Variants in PEAK1 observed in about 807,000 individuals in gnomAD.
PEAK1 encodes the protein pseudopodium enriched atypical kinase 1, also known as inactive tyrosine-protein kinase PEAK1.
A neutral mutation model predicts 124.7 loss-of-function variants in PEAK1; 54 were observed. That is an observed-to-expected ratio of 0.43 (90% CI 0.35 to 0.54). The LOEUF (loss-of-function observed/expected upper bound fraction) is 0.54. Ranked by LOEUF, PEAK1 falls within the 20% of genes least tolerant of loss-of-function variation. PEAK1 has a pLI of 0.01. For synonymous variants in PEAK1, 719 were observed against 760.0 expected (o/e 0.95, Z 0.89); for missense variants, 2,046 against 2,134.5 (o/e 0.96, Z 0.82).
At chr15:77,188,578 T>C (rs1233580789) in intron 6 of PEAK1, among the ~76,000 whole-genome samples, 1 of 152,136 alleles carries the variant, frequency 6.6e-6, no homozygotes, top group Non-Finnish European at 1.5e-5. Context: ...CAGCCAAGAC[T>C]CCATAGTCTT....
chr15:77,214,240 C>G (rs894244438), intron 6 of PEAK1, among the ~76,000 whole-genome samples: 1 of 152,012 alleles, frequency 6.6e-6, no homozygotes, highest in Non-Finnish European at 1.5e-5. Flanking sequence ...CATGTGTTTT[C>G]ATTTCAGTTG....
chr15:77,293,524 G>T (rs968907982), intron 2 of PEAK1, among the ~76,000 whole-genome samples: 23 of 152,064 alleles, frequency 1.5e-4, no homozygotes, highest in African/African-American at 5.6e-4. Flanking sequence ...TTCTCTACTT[G>T]ACCTTAAAGC....
At chr15:77,334,862 A>T in intron 2 of PEAK1, 1 of 985,376 alleles carries the variant, frequency 1.0e-6, no homozygotes, top group Non-Finnish European at 1.2e-6. Flanking sequence ...CTGTATTTTC[A>T]TGCCTTCAGA....
chr15:77,222,695 G>T (rs2059442711), intron 6 of PEAK1, among the ~76,000 whole-genome samples: 1 of 151,772 alleles, frequency 6.6e-6, no homozygotes, highest in African/African-American at 2.4e-5. Flanking sequence ...CTTCACTATA[G>T]CCCTCTGGAC....
At chr15:77,352,312 T>C in intron 2 of PEAK1, 1 of 985,306 alleles carries the variant, frequency 1.0e-6, no homozygotes, top group Non-Finnish European at 1.2e-6. Flanking sequence ...GAGGGCCAAA[T>C]CGAAGTGCCT....
At chr15:77,205,830 A>AT (rs568809900) in intron 6 of PEAK1, among the ~76,000 whole-genome samples, 40 of 151,642 alleles carry the variant, frequency 2.6e-4, no homozygotes, top group African/African-American at 7.2e-4. Flanking sequence ...ATTATTTTTT[A>AT]TTTTTTTTAT....
At chr15:77,135,978 C>T (rs1300673516) in intron 8 of PEAK1, among the ~76,000 whole-genome samples, 1 of 152,144 alleles carries the variant, frequency 6.6e-6, no homozygotes, top group African/African-American at 2.4e-5. Context: ...AATGTGGAAG[C>T]AACTTTGGAA....
At chr15:77,363,492 C>G (rs2068031926) in intron 2 of PEAK1, among the ~76,000 whole-genome samples, 2 of 152,290 alleles carry the variant, frequency 1.3e-5, no homozygotes, top group Non-Finnish European at 2.9e-5. Flanking sequence ...TGCACCTTTT[C>G]CTCCAACCCA....
intron 9 of PEAK1, among the ~76,000 whole-genome samples, chr15:77,118,636 T>C (rs2152717898): frequency 6.6e-6 from 1 of 152,312 alleles, no homozygotes; most frequent in South Asian, 2.1e-4. Flanking sequence ...ACATTCCTTC[T>C]TTATAAAGAG....
At chr15:77,348,616 A>C (rs1270592870) in intron 2 of PEAK1, 3 of 983,424 alleles carry the variant, frequency 3.1e-6, no homozygotes, top group African/African-American at 3.5e-5. Context: ...ATCTTGCTTA[A>C]TTCCTAAATG....
chr15:77,155,079 T>C (rs2055003724), intron 8 of PEAK1: 1 of 152,240 alleles, frequency 6.6e-6, no homozygotes, highest in South Asian at 2.1e-4. Flanking sequence ...TGCAGAGTGT[T>C]TTCCAGCTTG....
chr15:77,148,735 A>T (rs2054352200), intron 8 of PEAK1, among the ~76,000 whole-genome samples: 1 of 151,402 alleles, frequency 6.6e-6, no homozygotes, highest in African/African-American at 2.4e-5. Flanking sequence ...TGGGCAACAT[A>T]GGGAGACTCT....
intron 6 of PEAK1, among the ~76,000 whole-genome samples, chr15:77,229,649 C>CTT (rs200956203): frequency 1.0e-4 from 14 of 138,954 alleles, no homozygotes; most frequent in African/African-American, 2.3e-4. Context: ...TCTTTTCTTT[C>CTT]TTTTTTTTTT....
At chr15:77,365,032 A>G (rs2068128509) in intron 2 of PEAK1, 131 bp downstream of exon 2, 1 of 165,156 alleles carries the variant, frequency 6.1e-6, no homozygotes, top group Non-Finnish European at 1.3e-5. Flanking sequence ...CTCTATATGT[A>G]GTTTTATAAC....
At chr15:77,352,835 C>A (rs965861362) in intron 2 of PEAK1, 8 of 985,162 alleles carry the variant, frequency 8.1e-6, no homozygotes, top group Non-Finnish European at 9.6e-6. Flanking sequence ...AACAGGTGTT[C>A]ATAACAGCTT....
intron 1 of PEAK1, chr15:77,402,673 T>C (rs2071474367): frequency 1.0e-6 from 1 of 985,324 alleles, no homozygotes; most frequent in Non-Finnish European, 1.2e-6. Context: ...GTGTATCGTT[T>C]AGTTAATGGT....
At chr15:77,291,753 G>T (rs1445453310) in intron 2 of PEAK1, among the ~76,000 whole-genome samples, 1 of 151,994 alleles carries the variant, frequency 6.6e-6, no homozygotes, top group African/African-American at 2.4e-5. Flanking sequence ...CGAGGCAAGT[G>T]GACCACGAGG....
chr15:77,288,670 T>C (rs112646703), intron 2 of PEAK1, among the ~76,000 whole-genome samples: 55 of 152,232 alleles, frequency 3.6e-4, no homozygotes, highest in Non-Finnish European at 6.9e-4. Context: ...AGGCTGGGCG[T>C]GGTGGCTCAT....
rs2056693191 is a variant in PEAK1, at chr15:77,174,109, CT to C, written c.3137+4680del. ...CGTTATTTCAGGATAATGTTTCCCC[CT>C]ATTTGTTCCAGGGCCTGATGGCAAA... is the stretch of plus-strand genomic sequence containing the variant. On this transcript the variant is annotated intron_variant, in intron 7 of 9. Transcript: ENST00000682557. Among the ~76,000 whole-genome samples, 3 of 152,164 alleles carry C rather than the reference CT, an allele frequency of 2.0e-5. No individual in the cohort carries two copies. In the South Asian group the frequency reaches 6.2e-4, roughly 31 times the overall value.
Sources: gnomAD v4.1 joint callset for allele counts (sites outside exome capture counted in the v4.1 genomes callset) on GRCh38, gnomAD v4.1.1 for gene constraint, MANE v1.5 for transcripts, NCBI Gene and HGNC (gene_info 2026-07-23, HGNC 2026-07-21) for gene names.